Variants in RAB3IL1 observed in about 807,000 individuals in gnomAD.
RAB3IL1 encodes guanine nucleotide exchange factor for Rab-3A.
RAB3IL1 carries 37 observed loss-of-function variants against 49.2 expected under a neutral mutation model. The ratio of observed to expected loss-of-function variants is 0.75; its 90% confidence interval spans 0.58 to 0.99. The LOEUF (loss-of-function observed/expected upper bound fraction) is 0.99, where lower values mean the gene tolerates loss of function less well. Among genes scored for constraint, RAB3IL1 ranks in the 50% least tolerant of loss-of-function variants. The probability of loss-of-function intolerance (pLI) is 0.00; values close to 1 mark genes in which losing one functional copy is unlikely to be tolerated. For missense variants in RAB3IL1, 484 were observed against 513.0 expected, an observed-to-expected ratio of 0.94 and a Z score of 0.55; for synonymous variants, 193 against 213.9, an observed-to-expected ratio of 0.90 and a Z score of 0.85.
the RAB3IL1 span, among the ~76,000 whole-genome samples, chr11:61,934,794 AT>A: frequency 3.3e-5 from 5 of 152,176 alleles, no homozygotes; most frequent in Non-Finnish European, 4.4e-5. Flanking sequence ...AGACTGGAAG[AT>A]TTTTATCACT....
chr11:61,945,693 G>A, the RAB3IL1 span: 40 of 910,416 alleles, frequency 4.4e-5, no homozygotes, highest in South Asian at 1.0e-4. Flanking sequence ...TGTCCTTTCC[G>A]CTACCCACCT....
the RAB3IL1 span, among the ~76,000 whole-genome samples, chr11:61,936,093 G>A: frequency 2.6e-5 from 4 of 152,134 alleles, no homozygotes; most frequent in East Asian, 5.8e-4. Flanking sequence ...TTGAAGATAA[G>A]TCCACTGAGA....
upstream of RAB3IL1, among the ~76,000 whole-genome samples, chr11:61,919,866 C>A (rs952929126): frequency 3.3e-5 from 5 of 152,216 alleles, no homozygotes; most frequent in Admixed American, 3.3e-4. Context: ...CTGTGTGACC[C>A]AGGATGAGTG....
upstream of RAB3IL1, chr11:61,917,589 G>T: frequency 9.4e-7 from 1 of 1,065,770 alleles, no homozygotes; most frequent in Non-Finnish European, 1.1e-6. Context: ...GGAGCGGCCC[G>T]AGGACACGTG....
the RAB3IL1 span, among the ~76,000 whole-genome samples, chr11:61,945,021 T>C: frequency 2.0e-5 from 3 of 152,162 alleles, no homozygotes; most frequent in Non-Finnish European, 4.4e-5. Context: ...TTTTATTGGC[T>C]AAGTCTGGTA....
At chr11:61,912,800 C>T (rs1296352493) in intron 1 of RAB3IL1, among the ~76,000 whole-genome samples, 2 of 151,932 alleles carry the variant, frequency 1.3e-5, no homozygotes, top group Admixed American at 6.6e-5. Context: ...ACTGGAGGTG[C>T]CACCCAAGAA....
In RAB3IL1 at chr11:61,906,976, C is replaced by A. The variant is rs1336700620; in HGVS notation, c.439-292G>T. ...GCCTCCCATGAGAGTTCTGGGACCG[C>A]CCCCAGGAGCCAGGAAAGGCCCAGG... On this transcript the variant is annotated intron_variant, in intron 4 of 9. Transcript: ENST00000394836. The surrounding 1 kb of genome is among the most constrained non-coding windows in gnomAD (Gnocchi z 4.6). 6.6e-6 allele frequency among the ~76,000 whole-genome samples: 1 copy of A among 152,228 alleles called. No individual in the cohort carries two copies. Among genetic ancestry groups the A allele is most frequent in the Non-Finnish European group, 1.5e-5 (1 of 68,044 alleles).
At chr11:61,938,016 A>C in the RAB3IL1 span, 2 of 152,168 alleles carry the variant, frequency 1.3e-5, no homozygotes, top group Non-Finnish European at 2.9e-5. Context: ...AAAATTAAAA[A>C]AAAACCCCAC....
chr11:61,901,400 G>A (rs569331748), intron 8 of RAB3IL1, among the ~76,000 whole-genome samples: 1 of 152,200 alleles, frequency 6.6e-6, no homozygotes, highest in Non-Finnish European at 1.5e-5. Context: ...GGCACTCACG[G>A]CCGACTTAAG....
At chr11:61,905,020 G>C (rs1473984687) in intron 5 of RAB3IL1, 138 bp from the exon 6 acceptor site, 10 of 660,082 alleles carry the variant, frequency 1.5e-5, no homozygotes, top group Non-Finnish European at 2.1e-5. Context: ...CAGCAGCCGT[G>C]CAGGGAAGCC....
At chr11:61,938,232 A>G in the RAB3IL1 span, among the ~76,000 whole-genome samples, 5 of 152,152 alleles carry the variant, frequency 3.3e-5, no homozygotes, top group East Asian at 9.7e-4. Flanking sequence ...GCTATCTACT[A>G]AAACAAACAA....
intron 1 of RAB3IL1, among the ~76,000 whole-genome samples, chr11:61,911,593 T>A (rs1377708309): frequency 6.6e-6 from 1 of 152,082 alleles, no homozygotes; most frequent in Non-Finnish European, 1.5e-5. Context: ...CTGCCCAGCG[T>A]CCCTACCCTC....
chr11:61,907,808 G>C, intron 2 of RAB3IL1, 148 bp from the exon 3 acceptor site: 1 of 916,210 alleles, frequency 1.1e-6, no homozygotes, highest in East Asian at 2.6e-5. Flanking sequence ...AGTTTGTGAT[G>C]CTTTTTCCGT....
the RAB3IL1 span, among the ~76,000 whole-genome samples, chr11:61,926,104 C>CAAAAAAAAAAAA: frequency 6.2e-5 from 4 of 64,064 alleles, no homozygotes; most frequent in Admixed American, 2.2e-4. Context: ...TCCTTCCTGC[C>CAAAAAAAAAAAA]AAAAAAAAAA....
Position 61,908,250 on chromosome 11 carries a change from CAGGGGACCGGG to C in RAB3IL1, c.57_67del (p.Pro20GlufsTer75). ...GCCTTGGCAGGGGTCCGTGCTCTTC[CAGGGGACCGGG>C]ACAGCTGCAAGGGGCGGCGGGAGGC... On this transcript the variant is annotated frameshift_variant, in exon 2 of 10. Coordinates refer to ENST00000394836, the MANE Select transcript of RAB3IL1 (RefSeq NM_013401.4). LOFTEE classifies it high-confidence loss of function. The C allele has an allele frequency of 6.5e-7, 1 of 1,528,996 alleles. No individual in the cohort carries two copies. The highest frequency in any genetic ancestry group is 8.8e-7 in the Non-Finnish European group (1 of 1,136,930). 94.7% of individuals were successfully genotyped at this position (1,528,996 alleles called of 1,614,324 possible). A position where few individuals can be genotyped will look rare whatever the true frequency, so the allele number is the denominator to read the frequency against.
chr11:61,917,653 G>A (rs959262508), upstream of RAB3IL1: 18 of 842,008 alleles, frequency 2.1e-5, no homozygotes, highest in African/African-American at 3.1e-4. Flanking sequence ...GCGCTCCCAA[G>A]GCCTGGCCCC....
At chr11:61,927,510 G>A in the RAB3IL1 span, among the ~76,000 whole-genome samples, 1 of 152,172 alleles carries the variant, frequency 6.6e-6, no homozygotes, top group African/African-American at 2.4e-5. Flanking sequence ...TGAGGCAGGA[G>A]TTTGGGAGTG....
intron 1 of RAB3IL1, among the ~76,000 whole-genome samples, chr11:61,914,053 A>C (rs1328460473): frequency 2.0e-5 from 3 of 152,166 alleles, no homozygotes; most frequent in Non-Finnish European, 2.9e-5. Context: ...CCCCTTCCCA[A>C]TGAAGAGGCC....
At chr11:61,900,693 T>C (rs902962865) in intron 8 of RAB3IL1, among the ~76,000 whole-genome samples, 1 of 152,184 alleles carries the variant, frequency 6.6e-6, no homozygotes, top group Non-Finnish European at 1.5e-5. Flanking sequence ...CACTTCTCCC[T>C]GTGGACCCCA....
Sources: allele counts gnomAD v4.1 joint callset (sites outside exome capture counted in the v4.1 genomes callset), GRCh38; gene constraint gnomAD v4.1.1; non-coding constraint Gnocchi (gnomAD v3.1); transcripts MANE v1.5; gene names NCBI Gene and HGNC (gene_info 2026-07-23, HGNC 2026-07-21).